CTNNBIP1: variants seen among roughly 807,000 people sequenced by gnomAD.
The protein encoded by CTNNBIP1 is catenin beta interacting protein 1.
In CTNNBIP1, 7 loss-of-function variants were observed where a neutral mutation model predicts 11.8. The ratio of observed to expected loss-of-function variants is 0.60; its 90% confidence interval spans 0.34 to 1.12. The LOEUF (loss-of-function observed/expected upper bound fraction) is 1.12. CTNNBIP1 is among the 50% of genes most tolerant of loss of function. The pLI is 0.03. For missense variants in CTNNBIP1, 101 were observed against 113.4 expected, an observed-to-expected ratio of 0.89 and a Z score of 0.50; for synonymous variants, 58 against 43.9, an observed-to-expected ratio of 1.32 and a Z score of -1.26.
intron 1 of CTNNBIP1, among the ~76,000 whole-genome samples, chr1:9,897,473 AAAAAC>A (rs1473202200): frequency 6.6e-6 from 1 of 150,924 alleles, no homozygotes; most frequent in African/African-American, 2.4e-5. Context: ...AAACAAAAAC[AAAAAC>A]AAAACAAAAC....
Position 9,850,586 on chromosome 1 carries a change from G to T in CTNNBIP1, c.*132C>A, listed in dbSNP as rs1638360388. On this transcript the variant is annotated 3_prime_UTR_variant, in exon 6 of 6. Transcript: ENST00000377263. ...CCCCACTGAGTAGCTGTGAGGTGGG[G>T]TGGGGCAGGGCAGGGTTGGGTAGGG... The T allele has an allele frequency of 2.7e-6, 2 of 750,438 alleles. No individual in the cohort carries two copies. The highest frequency in any genetic ancestry group is 1.9e-5 in the Admixed American group (1 of 51,714). 46.5% of individuals were successfully genotyped at this position (750,438 alleles called of 1,614,324 possible).
intron 2 of CTNNBIP1, among the ~76,000 whole-genome samples, chr1:9,881,466 A>C (rs1639082134): frequency 6.7e-6 from 1 of 149,332 alleles, no homozygotes; most frequent in Non-Finnish European, 1.5e-5. Flanking sequence ...CAGCCTCCCG[A>C]GTAGCTGGGA....
chr1:9,888,565 T>A (rs1045120963), intron 1 of CTNNBIP1, among the ~76,000 whole-genome samples: 2 of 150,664 alleles, frequency 1.3e-5, no homozygotes, highest in African/African-American at 4.9e-5. Context: ...AAAAAAAAAT[T>A]AAGAAATGGT....
intron 1 of CTNNBIP1, among the ~76,000 whole-genome samples, chr1:9,886,092 C>T (rs930054131): frequency 6.6e-6 from 1 of 152,052 alleles, no homozygotes; most frequent in African/African-American, 2.4e-5. Flanking sequence ...TAAAAATAAA[C>T]AGTAAGAATT....
intron 1 of CTNNBIP1, among the ~76,000 whole-genome samples, chr1:9,891,956 C>G (rs1314620039): frequency 6.6e-6 from 1 of 152,004 alleles, no homozygotes; most frequent in African/African-American, 2.4e-5. Flanking sequence ...TGCGTGCCAC[C>G]ATGTCCAGCT....
intron 1 of CTNNBIP1, among the ~76,000 whole-genome samples, chr1:9,884,781 G>A (rs1639151887): frequency 6.6e-6 from 1 of 152,134 alleles, no homozygotes; most frequent in Non-Finnish European, 1.5e-5. Context: ...GCGGGTGAGT[G>A]GGAACAGGAG....
intron 1 of CTNNBIP1, among the ~76,000 whole-genome samples, chr1:9,884,136 G>C (rs1002333379): frequency 6.6e-6 from 1 of 152,156 alleles, no homozygotes; most frequent in African/African-American, 2.4e-5. Context: ...GGGTACAAGG[G>C]ACCCAACAGC....
intron 3 of CTNNBIP1, among the ~76,000 whole-genome samples, chr1:9,876,863 C>T (rs1477558247): frequency 2.0e-5 from 3 of 151,444 alleles, no homozygotes; most frequent in African/African-American, 7.3e-5. Flanking sequence ...CACACACACA[C>T]ACACACACAC....
At chr1:9,861,851 C>T (rs1158099904) in intron 5 of CTNNBIP1, among the ~76,000 whole-genome samples, 2 of 152,236 alleles carry the variant, frequency 1.3e-5, no homozygotes, top group African/African-American at 2.4e-5. Context: ...AGTCCCTGCA[C>T]ATCTAGCCTC....
chr1:9,904,415 G>C (rs559835433), intron 1 of CTNNBIP1, among the ~76,000 whole-genome samples: 1 of 152,256 alleles, frequency 6.6e-6, no homozygotes, highest in South Asian at 2.1e-4. Context: ...GGTGAGTGGA[G>C]CCCCTGGGTT....
chr1:9,868,307 GGACA>G (rs1376225163), intron 5 of CTNNBIP1, among the ~76,000 whole-genome samples: 3 of 152,176 alleles, frequency 2.0e-5, no homozygotes, highest in Admixed American at 6.5e-5. Flanking sequence ...AAGTAGCTGT[GGACA>G]GACACCACCC....
intron 5 of CTNNBIP1, among the ~76,000 whole-genome samples, chr1:9,854,886 A>G (rs1638470122): frequency 6.6e-6 from 1 of 152,164 alleles, no homozygotes; most frequent in African/African-American, 2.4e-5. Context: ...CATGTTGTCC[A>G]GGCTGGTCTC....
At chr1:9,889,968 G>A (rs939723105) in intron 1 of CTNNBIP1, among the ~76,000 whole-genome samples, 77 of 152,188 alleles carry the variant, frequency 5.1e-4, no homozygotes, top group Non-Finnish European at 2.9e-5. Context: ...AAGTGAATGG[G>A]AACCATGAAG....
In CTNNBIP1 at chr1:9,851,584, G is replaced by A. The variant is rs997288482; in HGVS notation, c.188-808C>T. 2.0e-5 allele frequency among the ~76,000 whole-genome samples: 3 copies of A among 152,108 alleles called. No individual in the cohort carries two copies. The highest frequency in any genetic ancestry group is 2.9e-5 in the Non-Finnish European group (2 of 68,008). On this transcript the variant is annotated intron_variant, in intron 5 of 5. Coordinates refer to ENST00000377263, the MANE Select transcript of CTNNBIP1 (RefSeq NM_020248.3). The surrounding 1 kb of genome is among the most constrained non-coding windows in gnomAD (Gnocchi z 4.8). ...GATGAGGTTTCACCATGTTGGTCAGGCTGGTCTCAAACTCCTGACCTCATG... is the reference window on the plus strand; with the variant it reads ...GATGAGGTTTCACCATGTTGGTCAGACTGGTCTCAAACTCCTGACCTCATG...
At chr1:9,881,967 C>T (rs1639092316) in intron 2 of CTNNBIP1, among the ~76,000 whole-genome samples, 1 of 152,100 alleles carries the variant, frequency 6.6e-6, no homozygotes, top group Admixed American at 6.6e-5. Context: ...GATAATGAGC[C>T]AAAAAGATAT....
At chr1:9,853,564 C>T (rs745866702) in intron 5 of CTNNBIP1, among the ~76,000 whole-genome samples, 4 of 152,242 alleles carry the variant, frequency 2.6e-5, no homozygotes, top group Admixed American at 6.5e-5. Context: ...CTCAGGTAGT[C>T]TCGCTGTCCT....
At chr1:9,865,228 CA>C (rs34199460) in intron 5 of CTNNBIP1, among the ~76,000 whole-genome samples, 896 of 86,416 alleles carry the variant, frequency 0.01, 15 homozygotes, top group East Asian at 0.061. Context: ...GACTCTGTCT[CA>C]AAAAAAAAAA....
At chr1:9,884,551 T>C (rs1462809378) in intron 1 of CTNNBIP1, among the ~76,000 whole-genome samples, 5 of 152,118 alleles carry the variant, frequency 3.3e-5, no homozygotes, top group African/African-American at 1.2e-4. Context: ...CAAGGGGACC[T>C]GGTCACCAGT....
intron 5 of CTNNBIP1, among the ~76,000 whole-genome samples, chr1:9,861,779 A>G (rs1048259227): frequency 6.6e-6 from 1 of 152,174 alleles, no homozygotes; most frequent in Non-Finnish European, 1.5e-5. Context: ...CCCCAGTACC[A>G]AGACCCTGGA....
Sources: allele counts gnomAD v4.1 joint callset (sites outside exome capture counted in the v4.1 genomes callset), GRCh38; gene constraint gnomAD v4.1.1; non-coding constraint Gnocchi (gnomAD v3.1); transcripts MANE v1.5; gene names NCBI Gene and HGNC (gene_info 2026-07-23, HGNC 2026-07-21).